The following AR variants were observed in gnomAD, a reference collection of about 807,000 sequenced individuals.
AR encodes dihydrotestosterone receptor.
A neutral mutation model predicts 53.9 loss-of-function variants in AR; 8 were observed. That is an observed-to-expected ratio of 0.15 (90% CI 0.09 to 0.27). The LOEUF is 0.27. Ranked by LOEUF, AR falls within the 10% of genes least tolerant of loss-of-function variation. AR has a pLI of 1.00. For missense variants in AR, 639 were observed against 742.5 expected (o/e 0.86, Z 1.62); for synonymous variants, 359 against 316.4 (o/e 1.13, Z -1.43).
intron 3 of AR, among the ~76,000 whole-genome samples, chrX:67,698,695 C>G (rs1456343425): frequency 8.9e-6 from 1 of 112,255 alleles, no homozygotes; most frequent in Non-Finnish European, 1.9e-5. Context: ...TTTAGTTTCA[C>G]AGGCATTCAT....
intron 3 of AR, among the ~76,000 whole-genome samples, chrX:67,703,870 C>T (rs1244849266): frequency 5.4e-5 from 6 of 111,231 alleles, no homozygotes; most frequent in Non-Finnish European, 9.4e-5. Flanking sequence ...TGTTCAATTC[C>T]CACCTGTGAG....
intron 2 of AR, among the ~76,000 whole-genome samples, chrX:67,667,667 A>G (rs925289657): frequency 9.0e-6 from 1 of 111,658 alleles, no homozygotes; most frequent in African/African-American, 3.3e-5. Context: ...GGACATTTTA[A>G]CAATATCAAT....
intron 1 of AR, among the ~76,000 whole-genome samples, chrX:67,557,804 G>A (rs1260670864): frequency 8.9e-6 from 1 of 111,876 alleles, no homozygotes; most frequent in East Asian, 2.8e-4. Flanking sequence ...CTAAAACCAG[G>A]TAATTAAACT....
In AR at chrX:67,727,756, C is replaced by T. The variant is rs904141763; in HGVS notation, c.*3915C>T. ...GGAAAAATAAGAGGCTGACTGTCTA[C>T]GAATTATCTTGTGCCAGTTGCCCAG... is the stretch of plus-strand genomic sequence containing the variant. On this transcript the variant is annotated 3_prime_UTR_variant, in exon 8 of 8. Transcript: ENST00000374690. The T allele has an allele frequency of 1.2e-5, 2 of 171,623 alleles. No individual in the cohort carries two copies. Among genetic ancestry groups the T allele is most frequent in the Non-Finnish European group, 2.2e-5 (2 of 89,821 alleles). The allele number at this position is 171,623 out of a possible 1,213,427, so 14.1% of individuals were successfully genotyped here. A position where few individuals can be genotyped will look rare whatever the true frequency, so the allele number is the denominator to read the frequency against.
rs368550583 is a variant in AR, at chrX:67,711,483, C to G, written c.1967C>G (p.Thr656Arg). ...AGCACCACCAGCCCCACTGAGGAGA[C>G]AACCCAGAAGCTGACAGTGTCACAC... ...ASSTTSPTEE[T>R]TQKLTVSHIE... The change falls in exon 4 of 8, where the codon ACA becomes AGA. Residue 656 changes from threonine (T) to arginine (R), a missense_variant. Coordinates refer to ENST00000374690, the MANE Select transcript of AR (RefSeq NM_000044.6). 2.3e-5 allele frequency: 28 copies of G among 1,208,312 alleles called. No individual in the cohort carries two copies. The highest frequency in any genetic ancestry group is 3.0e-5 in the Non-Finnish European group (27 of 894,407).
intron 2 of AR, among the ~76,000 whole-genome samples, chrX:67,654,210 A>G (rs1283240952): frequency 1.8e-5 from 2 of 111,523 alleles, no homozygotes; most frequent in African/African-American, 6.5e-5. Context: ...TGTGTAATAA[A>G]GCTACTGGTA....
rs1388706605 is a variant in AR at position 67,728,174 on chromosome X, T to TG, written c.*4336dup. 54 of 80,814 alleles carry TG rather than the reference T, an allele frequency of 6.7e-4. No homozygotes were observed. Among genetic ancestry groups the TG allele is most frequent in the South Asian group, 2.0e-3 (1 of 511 alleles). The allele number at this position is 80,814 out of a possible 1,213,427, so 6.7% of individuals were successfully genotyped here. A position where few individuals can be genotyped will look rare whatever the true frequency, so the allele number is the denominator to read the frequency against. On this transcript the variant is annotated 3_prime_UTR_variant, in exon 8 of 8. Transcript: ENST00000374690. Reference sequence around the variant, plus strand: ...TGGTGACTGACTTATAAGAGCTTTGTGGGTTTTTTTTTCCCTAATAATATA... The same window carrying TG: ...TGGTGACTGACTTATAAGAGCTTTGTGGGGTTTTTTTTTCCCTAATAATATA...
Position 67,727,502 on chromosome X carries a change from A to G in AR, c.*3661A>G, listed in dbSNP as rs961480658. The G allele has an allele frequency of 1.1e-3, 185 of 171,939 alleles. 5 individuals carry two copies. Among genetic ancestry groups the G allele is most frequent in the South Asian group, 3.1e-4 (1 of 3,248 alleles). 14.2% of individuals were successfully genotyped at this position (171,939 alleles called of 1,213,427 possible). ...AAGAGAAAATATGTCCACCATCCAC[A>G]TGATGCACAAATGAGCTAACATTGA... is the stretch of plus-strand genomic sequence containing the variant. On this transcript the variant is annotated 3_prime_UTR_variant, in exon 8 of 8. Transcript: ENST00000374690.
At chrX:67,679,230 T>C (rs1294440368) in intron 2 of AR, among the ~76,000 whole-genome samples, 1 of 111,481 alleles carries the variant, frequency 9.0e-6, no homozygotes, top group African/African-American at 3.2e-5. Context: ...AAGTATTAAG[T>C]ATTAAAGTGA....
At chrX:67,621,323 T>C (rs1299400855) in intron 1 of AR, among the ~76,000 whole-genome samples, 3 of 111,587 alleles carry the variant, frequency 2.7e-5, no homozygotes, top group Non-Finnish European at 1.9e-5. Context: ...AAAAATTAGA[T>C]GCCCAGATTT....
At chrX:67,632,011 T>C (rs1212816015) in intron 1 of AR, among the ~76,000 whole-genome samples, 1 of 113,162 alleles carries the variant, frequency 8.8e-6, no homozygotes, top group Non-Finnish European at 1.9e-5. Flanking sequence ...GATCTCCAGC[T>C]GCGTGCTGGG....
rs192682482 is a variant in AR, at chrX:67,595,691, A to G, written c.1617-47565A>G. Among the ~76,000 whole-genome samples, 5 of 107,881 alleles carry G rather than the reference A, an allele frequency of 4.6e-5. No homozygotes were observed. The East Asian group carries it at 8.7e-4, about 19-fold the overall frequency. The allele number at this position is 107,881 out of a possible 115,157, so 93.7% of individuals were successfully genotyped here. A position where few individuals can be genotyped will look rare whatever the true frequency, so the allele number is the denominator to read the frequency against. The stretch of plus-strand genomic sequence containing the variant: ...TAGCCAGGCGTGATGGTGCGTGCCT[A>G]TAGTCCCAGCTACTCAGAAGGCCGA... On this transcript the variant is annotated intron_variant, in intron 1 of 7. Transcript: ENST00000374690.
At chrX:67,668,424 GGTGAATGAACTTTTTA>G (rs1927370266) in intron 2 of AR, among the ~76,000 whole-genome samples, 1 of 111,575 alleles carries the variant, frequency 9.0e-6, no homozygotes, top group Non-Finnish European at 1.9e-5. Context: ...ACTTAGTCAT[GGTGAATGAACTTTTTA>G]ATGTGTTGTT....
At chrX:67,555,881 A>G (rs889418780) in intron 1 of AR, among the ~76,000 whole-genome samples, 2 of 112,692 alleles carry the variant, frequency 1.8e-5, no homozygotes, top group African/African-American at 6.5e-5. Flanking sequence ...TCGCAGGATA[A>G]CTTGAACCAG....
chrX:67,652,750 C>T (rs1313532296), intron 2 of AR, among the ~76,000 whole-genome samples: 2 of 111,668 alleles, frequency 1.8e-5, no homozygotes, highest in Non-Finnish European at 3.8e-5. Context: ...GTCATCTCTG[C>T]CTTTGCCATT....
rs373222096 is a variant in AR at position 67,598,771 on chromosome X, AT to A, written c.1617-44474del. Among the ~76,000 whole-genome samples the A allele has an allele frequency of 1.6e-3, 170 of 104,336 alleles. 1 individual carries two copies. Among genetic ancestry groups the A allele is most frequent in the South Asian group, 9.2e-3 (22 of 2,394 alleles). The allele number at this position is 104,336 out of a possible 115,157, so 90.6% of individuals were successfully genotyped here. A position where few individuals can be genotyped will look rare whatever the true frequency, so the allele number is the denominator to read the frequency against. ...GCTCCCTATCCCCACTCTCACCTCA[AT>A]TTTTTTTTTTCACTTTTGTTTTTCT... On this transcript the variant is annotated intron_variant, in intron 1 of 7. Transcript: ENST00000374690.
rs1478969123 is a variant in AR, at chrX:67,728,140, G to T, written c.*4299G>T. On this transcript the variant is annotated 3_prime_UTR_variant, in exon 8 of 8. Transcript: ENST00000374690. ...ATAAGCTGTCCAAAGACAGACTAAA[G>T]GACTCTGCTGGTGACTGACTTATAA... is the stretch of plus-strand genomic sequence containing the variant. 2 of 168,329 alleles carry T rather than the reference G, an allele frequency of 1.2e-5. No homozygotes were observed. The highest frequency in any genetic ancestry group is 6.1e-5 in the African/African-American group (2 of 32,947). The allele number at this position is 168,329 out of a possible 1,213,427, so 13.9% of individuals were successfully genotyped here.
intron 3 of AR, among the ~76,000 whole-genome samples, chrX:67,696,363 T>G (rs2076020834): frequency 9.0e-6 from 1 of 111,685 alleles, no homozygotes; most frequent in Non-Finnish European, 1.9e-5. Context: ...GTAAAATCTT[T>G]TGTCCCTCAC....
At chrX:67,648,796 T>TTACA (rs1182015596) in intron 2 of AR, among the ~76,000 whole-genome samples, 1 of 112,449 alleles carries the variant, frequency 8.9e-6, no homozygotes, top group African/African-American at 3.2e-5. Flanking sequence ...AATGCTTACA[T>TTACA]AACTTTTGTC....
Sources: gnomAD v4.1 joint callset for allele counts (sites outside exome capture counted in the v4.1 genomes callset) on GRCh38, gnomAD v4.1.1 for gene constraint, MANE v1.5 for transcripts, NCBI Gene and HGNC (gene_info 2026-07-23, HGNC 2026-07-21) for gene names.